TYW1B: variants seen among roughly 807,000 people sequenced by gnomAD.
The protein encoded by TYW1B is S-adenosyl-L-methionine-dependent tRNA 4-demethylwyosine synthase TYW1B.
Under a neutral mutation model 86.9 loss-of-function variants are expected in TYW1B, and 73 were observed. That is an observed-to-expected ratio of 0.84 (90% CI 0.70 to 1.02). The LOEUF is 1.02. TYW1B is among the 50% of genes least tolerant of loss of function. The pLI is 0.00. For missense variants in TYW1B, 637 were observed against 827.4 expected (o/e 0.77, Z 2.82); for synonymous variants, 248 against 292.8 (o/e 0.85, Z 1.56).
chr7:72,697,196 G>T (rs2129570332), intron 10 of TYW1B, among the ~76,000 whole-genome samples: 2 of 152,188 alleles, frequency 1.3e-5, no homozygotes, highest in South Asian at 4.1e-4. Flanking sequence ...ATTATGAACA[G>T]TACATTCCAA....
At chr7:72,633,008 G>A (rs1244239763) in intron 11 of TYW1B, among the ~76,000 whole-genome samples, 1 of 152,040 alleles carries the variant, frequency 6.6e-6, no homozygotes, top group African/African-American at 2.4e-5. Context: ...AGGATGAAGT[G>A]AAGAAACCAG....
At chr7:72,819,623 G>C (rs1489765845) in intron 2 of TYW1B, among the ~76,000 whole-genome samples, 3 of 152,132 alleles carry the variant, frequency 2.0e-5, no homozygotes, top group East Asian at 3.9e-4. Context: ...TGTAGAGATA[G>C]AGTTTTGCCG....
At chr7:72,717,301 GAAAAA>G (rs78038647) in intron 9 of TYW1B, among the ~76,000 whole-genome samples, 3 of 129,328 alleles carry the variant, frequency 2.3e-5, no homozygotes, top group Admixed American at 1.6e-4. Flanking sequence ...ACCCTGTCTG[GAAAAA>G]AAAAAAAAAA....
At chr7:72,725,981 C>G (rs548800040) in intron 9 of TYW1B, among the ~76,000 whole-genome samples, 4 of 152,162 alleles carry the variant, frequency 2.6e-5, no homozygotes, top group Non-Finnish European at 5.9e-5. Flanking sequence ...GAAAATACGA[C>G]TTTGCCTTGA....
At chr7:72,754,644 G>C (rs1261161529) in intron 7 of TYW1B, among the ~76,000 whole-genome samples, 1 of 151,612 alleles carries the variant, frequency 6.6e-6, no homozygotes, top group East Asian at 1.9e-4. Flanking sequence ...CATCATGTTT[G>C]CCAGGCTGGT....
chr7:72,793,779 G>A (rs1262578936), intron 6 of TYW1B, among the ~76,000 whole-genome samples: 1 of 150,912 alleles, frequency 6.6e-6, no homozygotes, highest in Admixed American at 6.6e-5. Flanking sequence ...AAATGCTCCC[G>A]CAGATCACAG....
At chr7:72,695,193 G>A (rs1814286506) in intron 10 of TYW1B, among the ~76,000 whole-genome samples, 4 of 152,114 alleles carry the variant, frequency 2.6e-5, no homozygotes, top group African/African-American at 7.2e-5. Context: ...ACACTCTGCC[G>A]ACCACATGGG....
At chr7:72,644,762 T>G (rs540343833) in intron 11 of TYW1B, among the ~76,000 whole-genome samples, 13 of 150,016 alleles carry the variant, frequency 8.7e-5, no homozygotes, top group Non-Finnish European at 1.9e-4. Context: ...CTTCAAAATG[T>G]GAAAGGAAGG....
At chr7:72,792,185 C>A (rs1462904566) in intron 6 of TYW1B, among the ~76,000 whole-genome samples, 2 of 150,962 alleles carry the variant, frequency 1.3e-5, no homozygotes, top group African/African-American at 4.9e-5. Context: ...AAACTAGTTG[C>A]GCATGGTGGC....
intron 2 of TYW1B, among the ~76,000 whole-genome samples, chr7:72,824,556 T>A (rs1436231302): frequency 6.6e-6 from 1 of 151,788 alleles, no homozygotes; most frequent in Non-Finnish European, 1.5e-5. Context: ...GCCTGGCCAA[T>A]ATGGTGAAAC....
At chr7:72,689,640 G>A (rs1472538906) in intron 11 of TYW1B, among the ~76,000 whole-genome samples, 1 of 152,102 alleles carries the variant, frequency 6.6e-6, no homozygotes, top group African/African-American at 2.4e-5. Context: ...TAATGACAAG[G>A]AAAAATACTT....
Position 72,734,578 on chromosome 7 carries a change from C to T in TYW1B, c.1083-5647G>A, listed in dbSNP as rs186025529. Among the ~76,000 whole-genome samples the T allele has an allele frequency of 2.0e-5, 3 of 152,220 alleles. No individual in the cohort carries two copies. The East Asian group carries it at 5.8e-4, about 29-fold the overall frequency. ...TTTTATGAATAAAACTTCAAAATTA[C>T]AGGCAACAAAAGTAAAAACAAATAA... On this transcript the variant is annotated intron_variant, in intron 8 of 13. Transcript: ENST00000620995.
At chr7:72,809,256 G>A (rs183407417) in intron 4 of TYW1B, among the ~76,000 whole-genome samples, 38 of 151,882 alleles carry the variant, frequency 2.5e-4, no homozygotes, top group East Asian at 3.9e-4. Flanking sequence ...TGTTAGCCAC[G>A]ATGATCTCGA....
At chr7:72,701,088 A>T (rs146500568) in intron 10 of TYW1B, among the ~76,000 whole-genome samples, 6,532 of 152,016 alleles carry the variant, frequency 0.043, 219 homozygotes, top group Non-Finnish European at 0.066. Flanking sequence ...AGAAAAGAAA[A>T]TGCTTTCCTG....
intron 8 of TYW1B, among the ~76,000 whole-genome samples, chr7:72,729,786 A>G (rs1787070950): frequency 6.6e-6 from 1 of 152,042 alleles, no homozygotes; most frequent in Admixed American, 6.6e-5. Context: ...CTGCCCAGAA[A>G]CCAGCACCAC....
intron 8 of TYW1B, among the ~76,000 whole-genome samples, chr7:72,729,183 T>C (rs766418654): frequency 4.6e-5 from 7 of 152,298 alleles, no homozygotes; most frequent in East Asian, 1.9e-4. Flanking sequence ...CAGTTACAGG[T>C]TGACAGAACA....
chr7:72,664,125 C>T (rs1813403252), intron 11 of TYW1B, among the ~76,000 whole-genome samples: 1 of 152,126 alleles, frequency 6.6e-6, no homozygotes, highest in Non-Finnish European at 1.5e-5. Context: ...ACCCTTCCTC[C>T]CAAGATGACC....
At chr7:72,722,691 G>C (rs1201634321) in intron 9 of TYW1B, among the ~76,000 whole-genome samples, 2 of 152,168 alleles carry the variant, frequency 1.3e-5, no homozygotes, top group Non-Finnish European at 1.5e-5. Flanking sequence ...TTCCAAAGCT[G>C]CTCAGGACTG....
chr7:72,783,953 C>A (rs1251567990), intron 6 of TYW1B, among the ~76,000 whole-genome samples: 1 of 152,154 alleles, frequency 6.6e-6, no homozygotes, highest in Non-Finnish European at 1.5e-5. Context: ...ACCAACAGAA[C>A]TTTATAATCA....
Sources: gnomAD v4.1 joint callset for allele counts (sites outside exome capture counted in the v4.1 genomes callset) on GRCh38, gnomAD v4.1.1 for gene constraint, MANE v1.5 for transcripts, NCBI Gene and HGNC (gene_info 2026-07-23, HGNC 2026-07-21) for gene names.